Variants in SGCZ observed in about 807,000 individuals in gnomAD.
SGCZ encodes sarcoglycan zeta.
A neutral mutation model predicts 41.3 loss-of-function variants in SGCZ; 40 were observed. That is an observed-to-expected ratio of 0.97 (90% CI 0.75 to 1.26). The LOEUF is 1.26. SGCZ is among the 50% of genes most tolerant of loss of function. The probability of loss-of-function intolerance (pLI) is 0.00; values close to 1 mark genes in which losing one functional copy is unlikely to be tolerated. For synonymous variants in SGCZ, 206 were observed against 137.5 expected (o/e 1.50, Z -3.49); for missense variants, 552 against 369.8 (o/e 1.49, Z -4.04).
chr8:14,267,417 G>T (rs1191810220), intron 3 of SGCZ, among the ~76,000 whole-genome samples: 3 of 152,034 alleles, frequency 2.0e-5, no homozygotes, highest in African/African-American at 7.2e-5. Flanking sequence ...TGTATTGTAA[G>T]ATGTGGTTTG....
At chr8:14,104,672 AG>A (rs1802146659) in intron 6 of SGCZ, among the ~76,000 whole-genome samples, 1 of 152,234 alleles carries the variant, frequency 6.6e-6, no homozygotes, top group South Asian at 2.1e-4. Flanking sequence ...CCCTTTATTG[AG>A]GAAATGTCTC....
At chr8:15,131,799 AATGGCTAAAAAAAC>A (rs1166137158) in intron 1 of SGCZ, among the ~76,000 whole-genome samples, 1 of 152,228 alleles carries the variant, frequency 6.6e-6, no homozygotes, top group Non-Finnish European at 1.5e-5. Flanking sequence ...TGGCACAGGG[AATGGCTAAAAAAAC>A]ATCTTGAGAA....
intron 2 of SGCZ, among the ~76,000 whole-genome samples, chr8:14,378,160 T>A (rs1585425725): frequency 1.3e-5 from 2 of 150,182 alleles, no homozygotes; most frequent in East Asian, 3.9e-4. Context: ...TGTAAAAGTG[T>A]TCCTATTTCT....
chr8:14,261,389 C>T (rs1799660758), intron 3 of SGCZ, among the ~76,000 whole-genome samples: 1 of 152,122 alleles, frequency 6.6e-6, no homozygotes, highest in Non-Finnish European at 1.5e-5. Context: ...AGTATTTTGA[C>T]AGTTTATGTT....
Position 14,238,365 on chromosome 8 carries a change from T to C in SGCZ, c.337-686A>G, listed in dbSNP as rs562168084. Among the ~76,000 whole-genome samples, 199 of 152,222 alleles carry C rather than the reference T, an allele frequency of 1.3e-3. 1 individual carries two copies. Among genetic ancestry groups the C allele is most frequent in the Non-Finnish European group, 1.8e-3 (124 of 68,036 alleles). ...TGTTGACTGAGTAGATAAAAAAATC[T>C]TCAGAGTAAAATTGATACTATAGTA... On this transcript the variant is annotated intron_variant, in intron 3 of 7. Coordinates refer to ENST00000382080, the MANE Select transcript of SGCZ (RefSeq NM_139167.4).
chr8:14,962,357 A>C (rs533520235), intron 1 of SGCZ, among the ~76,000 whole-genome samples: 22 of 151,732 alleles, frequency 1.4e-4, no homozygotes, highest in Admixed American at 2.6e-4. Flanking sequence ...GAATATGAAA[A>C]AAGGGGAAAA....
intron 1 of SGCZ, among the ~76,000 whole-genome samples, chr8:15,186,227 A>G (rs1800336552): frequency 7.3e-6 from 1 of 136,934 alleles, no homozygotes; most frequent in Admixed American, 8.0e-5. Context: ...GTGCCACTGC[A>G]CTCCAGCCTG....
At chr8:14,212,973 GATGTAATCA>G (rs1805867434) in intron 4 of SGCZ, among the ~76,000 whole-genome samples, 1 of 151,986 alleles carries the variant, frequency 6.6e-6, no homozygotes, top group African/African-American at 2.4e-5. Flanking sequence ...AATAACAGGA[GATGTAATCA>G]ATGAGCATCA....
intron 3 of SGCZ, among the ~76,000 whole-genome samples, chr8:14,258,916 T>C (rs1799556765): frequency 1.3e-5 from 2 of 152,168 alleles, no homozygotes; most frequent in Non-Finnish European, 2.9e-5. Flanking sequence ...ACATTATAAA[T>C]TATGTAGCAT....
At chr8:15,047,921 T>A (rs997156312) in intron 1 of SGCZ, among the ~76,000 whole-genome samples, 1 of 152,008 alleles carries the variant, frequency 6.6e-6, no homozygotes, top group Non-Finnish European at 1.5e-5. Flanking sequence ...TGGAAAACCG[T>A]ATGGAGGTTT....
At chr8:14,319,750 T>C (rs1801855574) in intron 3 of SGCZ, among the ~76,000 whole-genome samples, 1 of 151,924 alleles carries the variant, frequency 6.6e-6, no homozygotes, top group Non-Finnish European at 1.5e-5. Context: ...GTTAAAGTAA[T>C]ATAATTATCA....
chr8:14,664,507 T>C (rs1240767205), intron 1 of SGCZ, among the ~76,000 whole-genome samples: 2 of 152,152 alleles, frequency 1.3e-5, no homozygotes, highest in African/African-American at 4.8e-5. Context: ...TATGTGATAT[T>C]TCAACTAGGG....
At chr8:15,194,841 C>T (rs559769421) in intron 1 of SGCZ, among the ~76,000 whole-genome samples, 30 of 152,266 alleles carry the variant, frequency 2.0e-4, no homozygotes, top group African/African-American at 7.2e-4. Flanking sequence ...GGACTTCTGA[C>T]CTCCCAACCT....
rs2117218114 is a variant in SGCZ, at chr8:14,391,406, C to G, written c.235-67202G>C. On this transcript the variant is annotated intron_variant, in intron 2 of 7. Transcript: ENST00000382080. ...ATAAAGTCATTGTTAAGACTTTGGT[C>G]TATGTTGTATACCTATATACTAAGA... Among the ~76,000 whole-genome samples, 2 of 152,044 alleles carry G rather than the reference C, an allele frequency of 1.3e-5. 1 individual carries two copies. The highest frequency in any genetic ancestry group is 4.8e-5 in the African/African-American group (2 of 41,468).
chr8:14,324,514 T>C (rs1802028968), intron 2 of SGCZ, among the ~76,000 whole-genome samples: 1 of 152,184 alleles, frequency 6.6e-6, no homozygotes, highest in Admixed American at 6.5e-5. Context: ...ATTTATTTTG[T>C]ATAATGATGC....
chr8:15,002,557 C>G (rs903555160), intron 1 of SGCZ, among the ~76,000 whole-genome samples: 1 of 151,750 alleles, frequency 6.6e-6, no homozygotes, highest in Admixed American at 6.6e-5. Flanking sequence ...GTAGGTAGCA[C>G]GAAACACAAT....
intron 2 of SGCZ, among the ~76,000 whole-genome samples, chr8:14,356,771 C>A (rs565372311): frequency 6.6e-6 from 1 of 151,828 alleles, no homozygotes; most frequent in African/African-American, 2.4e-5. Context: ...CAAGAAAATA[C>A]GATTGCAAAT....
chr8:15,233,159 T>C (rs2117212667), intron 1 of SGCZ, among the ~76,000 whole-genome samples: 1 of 151,882 alleles, frequency 6.6e-6, no homozygotes, highest in East Asian at 1.9e-4. Context: ...AGCCAAGAAA[T>C]GAATATATAA....
chr8:14,304,942 C>A (rs1459873328), intron 3 of SGCZ, among the ~76,000 whole-genome samples: 1 of 151,938 alleles, frequency 6.6e-6, no homozygotes, highest in East Asian at 1.9e-4. Flanking sequence ...GTAGACTTAG[C>A]AAAATTATCA....
Sources: allele counts gnomAD v4.1 joint callset (sites outside exome capture counted in the v4.1 genomes callset), GRCh38; gene constraint gnomAD v4.1.1; transcripts MANE v1.5; gene names NCBI Gene and HGNC (gene_info 2026-07-23, HGNC 2026-07-21).